R3HDM2: variants seen among roughly 807,000 people sequenced by gnomAD.
R3HDM2 encodes the protein R3H domain containing 2.
In R3HDM2, 38 loss-of-function variants were observed where a neutral mutation model predicts 124.5. The ratio of observed to expected loss-of-function variants is 0.31; its 90% CI spans 0.24 to 0.40. The LOEUF is 0.40. Among genes scored for constraint, R3HDM2 ranks in the 10% least tolerant of loss-of-function variants. R3HDM2 has a pLI of 1.00. For synonymous variants in R3HDM2, 391 were observed against 448.0 expected, an observed-to-expected ratio of 0.87 and a Z score of 1.61; for missense variants, 869 against 1,236.9, an observed-to-expected ratio of 0.70 and a Z score of 4.46.
At chr12:57,291,065 A>C (rs1440243414) in intron 11 of R3HDM2, among the ~76,000 whole-genome samples, 1 of 149,920 alleles carries the variant, frequency 6.7e-6, no homozygotes, top group Admixed American at 6.6e-5. Flanking sequence ...TGGTTGAATA[A>C]TTTGGAAGAT....
intron 2 of R3HDM2, among the ~76,000 whole-genome samples, chr12:57,371,083 CTTTTT>C (rs775839017): frequency 0.014 from 557 of 40,876 alleles, 10 homozygotes; most frequent in Non-Finnish European, 0.021. Context: ...TATACCATTA[CTTTTT>C]TTTTTTTTTT....
chr12:57,419,807 C>G (rs893953809), intron 1 of R3HDM2, among the ~76,000 whole-genome samples: 1 of 151,906 alleles, frequency 6.6e-6, no homozygotes, highest in Non-Finnish European at 1.5e-5. Context: ...GAAATGCTCC[C>G]CCACCTTTAC....
At chr12:57,355,311 T>C (rs959796273) in intron 2 of R3HDM2, among the ~76,000 whole-genome samples, 4 of 151,160 alleles carry the variant, frequency 2.6e-5, no homozygotes, top group Non-Finnish European at 4.4e-5. Flanking sequence ...CAAAAAAAAT[T>C]AGCCGGGCGT....
chr12:57,339,189 G>A (rs1348823141), intron 2 of R3HDM2, among the ~76,000 whole-genome samples: 2 of 151,816 alleles, frequency 1.3e-5, no homozygotes, highest in South Asian at 2.1e-4. Flanking sequence ...TAGAGACTGG[G>A]TTTCACCATG....
intron 2 of R3HDM2, among the ~76,000 whole-genome samples, chr12:57,333,813 C>T (rs997013448): frequency 1.3e-5 from 2 of 151,712 alleles, no homozygotes; most frequent in African/African-American, 2.4e-5. Context: ...GAGGCTGAGG[C>T]GGGTGGATGA....
At chr12:57,410,062 T>C (rs1405700923) in intron 1 of R3HDM2, among the ~76,000 whole-genome samples, 1 of 152,184 alleles carries the variant, frequency 6.6e-6, no homozygotes, top group Non-Finnish European at 1.5e-5. Flanking sequence ...TAATAAATGT[T>C]TAGCATTTTT....
At chr12:57,394,496 C>T (rs867649531) in intron 2 of R3HDM2, among the ~76,000 whole-genome samples, 3 of 151,868 alleles carry the variant, frequency 2.0e-5, no homozygotes, top group East Asian at 1.9e-4. Context: ...CACTTGAACC[C>T]GGGAGGCGGA....
intron 20 of R3HDM2, 43 bp from the exon 21 acceptor site, chr12:57,258,180 A>C (rs1216093363): frequency 6.9e-7 from 1 of 1,446,784 alleles, no homozygotes; most frequent in South Asian, 1.5e-5. Context: ...ATCAAACATT[A>C]CCCTCTGGAT....
intron 1 of R3HDM2, among the ~76,000 whole-genome samples, chr12:57,405,167 A>G (rs2068415410): frequency 6.6e-6 from 1 of 152,130 alleles, no homozygotes; most frequent in Admixed American, 6.6e-5. Context: ...AGCTAGGACT[A>G]CAGGTATGTG....
At chr12:57,310,695 C>T (rs893299378) in intron 2 of R3HDM2, among the ~76,000 whole-genome samples, 6 of 152,000 alleles carry the variant, frequency 3.9e-5, no homozygotes, top group Admixed American at 3.3e-4. Context: ...TATTATGACA[C>T]ATGCATTCAC....
chr12:57,306,229 TATA>T (rs1294148605), intron 3 of R3HDM2, among the ~76,000 whole-genome samples: 1 of 152,144 alleles, frequency 6.6e-6, no homozygotes, highest in East Asian at 1.9e-4. Flanking sequence ...TAGGTCACAA[TATA>T]ACATGCTGAG....
chr12:57,374,418 G>A (rs2138070649), intron 2 of R3HDM2, among the ~76,000 whole-genome samples: 1 of 151,900 alleles, frequency 6.6e-6, no homozygotes, highest in Non-Finnish European at 1.5e-5. Context: ...GGCCGGGCGT[G>A]GTGGCTCACG....
intron 14 of R3HDM2, among the ~76,000 whole-genome samples, chr12:57,276,498 A>G (rs1280786646): frequency 6.6e-6 from 1 of 152,242 alleles, no homozygotes; most frequent in African/African-American, 2.4e-5. Context: ...ATTGGAGACT[A>G]TTATTCTAAG....
chr12:57,304,493 G>A, intron 3 of R3HDM2: 1 of 983,060 alleles, frequency 1.0e-6, no homozygotes, highest in Non-Finnish European at 1.2e-6. Context: ...TTGGGTAGGT[G>A]AGGATTTCTC....
At chr12:57,308,634 C>G (rs192923814) in intron 3 of R3HDM2, among the ~76,000 whole-genome samples, 1 of 152,032 alleles carries the variant, frequency 6.6e-6, no homozygotes, top group Non-Finnish European at 1.5e-5. Context: ...TGCAGTGGGC[C>G]AAGATTGTGC....
At chr12:57,289,085 C>G (rs1437530472) in intron 11 of R3HDM2, 45 bp from the exon 12 acceptor site, 8 of 1,495,416 alleles carry the variant, frequency 5.3e-6, no homozygotes, top group Non-Finnish European at 7.3e-6. Context: ...AAGAAAACAG[C>G]ATGGCATGAC....
chr12:57,383,519 A>G (rs1429480494), intron 2 of R3HDM2, among the ~76,000 whole-genome samples: 3 of 151,702 alleles, frequency 2.0e-5, no homozygotes, highest in Non-Finnish European at 4.4e-5. Flanking sequence ...CCTGGCCAAC[A>G]TGGTGAAACC....
chr12:57,273,211 T>C (rs2043970404), intron 14 of R3HDM2, among the ~76,000 whole-genome samples: 1 of 152,032 alleles, frequency 6.6e-6, no homozygotes, highest in African/African-American at 2.4e-5. Flanking sequence ...ATATGAAAAA[T>C]CCACCTCCAC....
intron 1 of R3HDM2, among the ~76,000 whole-genome samples, chr12:57,410,632 C>T (rs751395686): frequency 2.0e-5 from 3 of 152,128 alleles, no homozygotes; most frequent in African/African-American, 7.2e-5. Flanking sequence ...GCAGGAAGAT[C>T]GCCTGAGGCC....
Sources: gnomAD v4.1 joint callset for allele counts (sites outside exome capture counted in the v4.1 genomes callset) on GRCh38, gnomAD v4.1.1 for gene constraint, MANE v1.5 for transcripts, NCBI Gene and HGNC (gene_info 2026-07-23, HGNC 2026-07-21) for gene names.